PRKAG2: variants seen among roughly 807,000 people sequenced by gnomAD.
The protein encoded by PRKAG2 is protein kinase AMP-activated non-catalytic subunit gamma 2.
PRKAG2 carries 26 observed loss-of-function variants against 69.6 expected under a neutral mutation model. The ratio of observed to expected loss-of-function variants is 0.37; its 90% CI spans 0.27 to 0.52. PRKAG2 has a LOEUF of 0.52. Ranked by LOEUF, PRKAG2 falls within the 20% of genes least tolerant of loss-of-function variation. The probability of loss-of-function intolerance (pLI) is 0.90; values close to 1 mark genes in which losing one functional copy is unlikely to be tolerated. For missense variants in PRKAG2, 557 were observed against 740.0 expected (o/e 0.75, Z 2.87); for synonymous variants, 293 against 285.0 (o/e 1.03, Z -0.28).
intron 1 of PRKAG2, among the ~76,000 whole-genome samples, chr7:151,796,143 G>A (rs375130035): frequency 8.4e-4 from 127 of 151,954 alleles, no homozygotes; most frequent in African/African-American, 2.8e-3. Flanking sequence ...CCCCTCACCC[G>A]AGCTGGTGGG....
At chr7:151,740,420 C>T (rs1013292444) in intron 3 of PRKAG2, among the ~76,000 whole-genome samples, 1 of 151,180 alleles carries the variant, frequency 6.6e-6, no homozygotes, top group Admixed American at 6.6e-5. Flanking sequence ...CCTGCTGATA[C>T]GAACCCGAGT....
chr7:151,855,079 C>CCACACACACCACG (rs1563756722), intron 1 of PRKAG2, among the ~76,000 whole-genome samples: 1 of 44,842 alleles, frequency 2.2e-5, no homozygotes, highest in Non-Finnish European at 3.8e-5. Flanking sequence ...CACACACCAT[C>CCACACACACCACG]CTCCACACAC....
intron 3 of PRKAG2, among the ~76,000 whole-genome samples, chr7:151,773,190 GA>G (rs1317608067): frequency 6.9e-6 from 1 of 144,460 alleles, no homozygotes; most frequent in Non-Finnish European, 1.5e-5. Context: ...AGGAAGGAAA[GA>G]AAGAAGGAAA....
intron 3 of PRKAG2, among the ~76,000 whole-genome samples, chr7:151,723,613 ATG>A (rs1455310594): frequency 6.3e-4 from 96 of 152,276 alleles, no homozygotes; most frequent in African/African-American, 2.2e-3. Context: ...GGCCCCTGCC[ATG>A]CTGGGACCCA....
chr7:151,798,011 G>GT (rs1294138569), intron 1 of PRKAG2, among the ~76,000 whole-genome samples: 2 of 152,196 alleles, frequency 1.3e-5, no homozygotes, highest in Admixed American at 6.5e-5. Flanking sequence ...TTGTTTGTTT[G>GT]TTTTTTCCCC....
At chr7:151,564,388 C>T in intron 13 of PRKAG2, 164 bp from the exon 14 acceptor site, 1 of 672,366 alleles carries the variant, frequency 1.5e-6, no homozygotes. Context: ...CATGCCATTG[C>T]TACTGTTATT....
intron 5 of PRKAG2, among the ~76,000 whole-genome samples, chr7:151,623,880 G>T (rs1466382565): frequency 6.6e-6 from 1 of 152,110 alleles, no homozygotes; most frequent in Admixed American, 6.6e-5. Flanking sequence ...AGGAAAGAGG[G>T]TAAATAAGCG....
At chr7:151,785,256 A>T (rs1005213099) in intron 2 of PRKAG2, among the ~76,000 whole-genome samples, 5 of 152,038 alleles carry the variant, frequency 3.3e-5, no homozygotes, top group Admixed American at 2.6e-4. Flanking sequence ...TCTCTCCCAC[A>T]CTCTCAGATC....
chr7:151,557,120 T>C lies in PRKAG2; in HGVS notation c.*81A>G, dbSNP rs1251924625. ...ACCCTGATATACATTCTTAACCACT[T>C]GCAGCCAGTGTTCATGAGGCAAAAC... is the stretch of plus-strand genomic sequence containing the variant. On this transcript the variant is annotated 3_prime_UTR_variant, in exon 16 of 16. Transcript: ENST00000287878. The C allele has an allele frequency of 4.4e-6, 7 of 1,599,582 alleles. No homozygotes were observed. The highest frequency in any genetic ancestry group is 4.3e-6 in the Non-Finnish European group (5 of 1,166,896).
chr7:151,833,537 G>A (rs1033673028), intron 1 of PRKAG2, among the ~76,000 whole-genome samples: 1 of 152,214 alleles, frequency 6.6e-6, no homozygotes, highest in Admixed American at 6.5e-5. Flanking sequence ...GCTATAGAGA[G>A]GAGAGCCAGA....
At chr7:151,736,383 C>CT (rs34632609) in intron 3 of PRKAG2, 18,973 of 907,202 alleles carry the variant, frequency 0.021, 167 homozygotes, top group African/African-American at 0.092. Context: ...CTCTCCAGGG[C>CT]TTTTTTTTTT....
intron 3 of PRKAG2, among the ~76,000 whole-genome samples, chr7:151,768,506 C>T (rs2075856820): frequency 1.3e-5 from 2 of 152,186 alleles, no homozygotes; most frequent in Admixed American, 6.5e-5. Context: ...CACTCTATTG[C>T]CCAGGCTGGA....
At chr7:151,570,303 C>T (rs1807245481) in intron 9 of PRKAG2, 78 bp from the exon 10 acceptor site, 1 of 1,471,756 alleles carries the variant, frequency 6.8e-7, no homozygotes, top group Non-Finnish European at 9.3e-7. Flanking sequence ...AAATACCCTT[C>T]AGTTTACGGT....
At chr7:151,564,857 A>G (rs1805860237) in intron 13 of PRKAG2, among the ~76,000 whole-genome samples, 1 of 152,172 alleles carries the variant, frequency 6.6e-6, no homozygotes, top group Admixed American at 6.5e-5. Flanking sequence ...AGGCAGCTGC[A>G]GAAGAATGTT....
chr7:151,687,882 TCTGCCTTGGG>T (rs1834972284), intron 3 of PRKAG2, among the ~76,000 whole-genome samples: 1 of 152,212 alleles, frequency 6.6e-6, no homozygotes, highest in African/African-American at 2.4e-5. Flanking sequence ...CAGAGGTGTA[TCTGCCTTGGG>T]CTGCCTCTCC....
At position 151,632,714 on chromosome 7, in the gene PRKAG2, T is replaced by TG. The variant is rs1239037221; in HGVS notation, c.685-577_685-576insC. The TG allele has an allele frequency of 9.5e-6, 6 of 633,232 alleles. No homozygotes were observed. The highest frequency in any genetic ancestry group is 1.2e-5 in the Non-Finnish European group (6 of 508,088). The allele number at this position is 633,232 out of a possible 1,614,324, so 39.2% of individuals were successfully genotyped here. A position where few individuals can be genotyped will look rare whatever the true frequency, so the allele number is the denominator to read the frequency against. On this transcript the variant is annotated intron_variant, in intron 4 of 15. Coordinates refer to ENST00000287878, the MANE Select transcript of PRKAG2 (RefSeq NM_016203.4). This position sits in a 1 kb window ranked among gnomAD's most constrained non-coding sequence, Gnocchi z 4.2. ...ATCCTTTCTCGCTTTCCTCTTCCCT[T>TG]TCCAAATTTTAGATGTAACTGCCCA...
At chr7:151,832,574 T>C (rs7807533) in intron 1 of PRKAG2, among the ~76,000 whole-genome samples, 124,865 of 149,138 alleles carry the variant, frequency 0.84, 53,062 homozygotes, top group Admixed American at 0.91. Context: ...GGGGCTGGTC[T>C]GCTGGGCACT....
At chr7:151,876,430 C>T in intron 1 of PRKAG2, 77 bp downstream of exon 1, 1 of 1,419,108 alleles carries the variant, frequency 7.0e-7, no homozygotes, top group Non-Finnish European at 9.8e-7. Flanking sequence ...GCGGGGCGTC[C>T]AGCGTTAACC....
At position 151,569,763 on chromosome 7, in the gene PRKAG2, C is replaced by T. The variant is rs1450504025; in HGVS notation, c.1106+408G>A. On this transcript the variant is annotated intron_variant, in intron 10 of 15. Coordinates refer to ENST00000287878, the MANE Select transcript of PRKAG2 (RefSeq NM_016203.4). ...ACACAGAAGGCAGCCCATGCTCTCACCACATCTGAACCGACATCTAACACA... is the reference window on the plus strand; with the variant it reads ...ACACAGAAGGCAGCCCATGCTCTCATCACATCTGAACCGACATCTAACACA... Among the ~76,000 whole-genome samples, 3 of 152,292 alleles carry T rather than the reference C, an allele frequency of 2.0e-5. No individual in the cohort carries two copies. The South Asian group carries it at 6.2e-4, about 32-fold the overall frequency.
Sources: gnomAD v4.1 joint callset for allele counts (sites outside exome capture counted in the v4.1 genomes callset) on GRCh38, gnomAD v4.1.1 for gene constraint, Gnocchi (gnomAD v3.1) non-coding constraint, MANE v1.5 for transcripts, NCBI Gene and HGNC (gene_info 2026-07-23, HGNC 2026-07-21) for gene names.